The following SHISA6 variants were observed in gnomAD, a reference collection of about 807,000 sequenced individuals.
SHISA6 encodes the protein shisa family member 6.
Under a neutral mutation model 47.9 loss-of-function variants are expected in SHISA6, and 22 were observed. The ratio of observed to expected loss-of-function variants is 0.46; its 90% CI spans 0.33 to 0.66. The LOEUF is 0.66. Ranked by LOEUF, SHISA6 falls within the 30% of genes least tolerant of loss-of-function variation. The pLI, the probability that SHISA6 is intolerant of heterozygous loss-of-function variation, is 0.02. For synonymous variants in SHISA6, 388 were observed against 337.8 expected (o/e 1.15, Z -1.63); for missense variants, 680 against 764.6 (o/e 0.89, Z 1.30).
chr17:11,395,808 G>A (rs879536148), intron 3 of SHISA6, among the ~76,000 whole-genome samples: 15 of 152,006 alleles, frequency 9.9e-5, no homozygotes, highest in South Asian at 2.1e-4. Context: ...CTGAACCACC[G>A]TGCCCGGCCA....
At chr17:11,419,372 G>C (rs1914387064) in intron 3 of SHISA6, among the ~76,000 whole-genome samples, 1 of 152,030 alleles carries the variant, frequency 6.6e-6, no homozygotes, top group Non-Finnish European at 1.5e-5. Flanking sequence ...TAAGTCACTA[G>C]GTTTAACAAG....
In SHISA6 at chr17:11,560,784, A is replaced by G. The variant is rs1230987426; in HGVS notation, c.*2480A>G. On this transcript the variant is annotated 3_prime_UTR_variant, in exon 6 of 6. Transcript: ENST00000441885. ...ATGAGTTGATTCCAAGACATTTCTC[A>G]TCCCAGCCTTACCACTGTCTGGCTG... 2.6e-5 allele frequency: 4 copies of G among 151,940 alleles called. No homozygotes were observed. The highest frequency in any genetic ancestry group is 9.7e-5 in the African/African-American group (4 of 41,378). The allele number at this position is 151,940 out of a possible 1,614,324, so 9.4% of individuals were successfully genotyped here.
At chr17:11,528,065 T>C (rs768045995) in intron 3 of SHISA6, among the ~76,000 whole-genome samples, 1 of 152,164 alleles carries the variant, frequency 6.6e-6, no homozygotes, top group Non-Finnish European at 1.5e-5. Context: ...TGTTATAAAA[T>C]CCTAGAGAGT....
intron 2 of SHISA6, among the ~76,000 whole-genome samples, chr17:11,283,058 C>T (rs1909176160): frequency 6.6e-6 from 1 of 152,200 alleles, no homozygotes; most frequent in Non-Finnish European, 1.5e-5. Context: ...TAGATATTGT[C>T]CCAACCCAAT....
chr17:11,514,226 A>G (rs7359637), intron 3 of SHISA6, among the ~76,000 whole-genome samples: 36,050 of 152,064 alleles, frequency 0.24, 4,453 homozygotes, highest in East Asian at 0.36. Flanking sequence ...CTGTCTTTTA[A>G]TGGTGATTTG....
intron 3 of SHISA6, among the ~76,000 whole-genome samples, chr17:11,537,120 A>G (rs1256163114): frequency 1.3e-5 from 2 of 152,016 alleles, no homozygotes; most frequent in Non-Finnish European, 2.9e-5. Context: ...AGAATTGAAA[A>G]TGAACATCCT....
At chr17:11,367,786 G>A (rs1245714211) in intron 2 of SHISA6, among the ~76,000 whole-genome samples, 3 of 152,196 alleles carry the variant, frequency 2.0e-5, no homozygotes, top group African/African-American at 7.2e-5. Flanking sequence ...AGGCAAGGAA[G>A]GCTCAGGGTA....
At chr17:11,450,832 T>G (rs1477969201) in intron 3 of SHISA6, among the ~76,000 whole-genome samples, 1 of 152,138 alleles carries the variant, frequency 6.6e-6, no homozygotes, top group Non-Finnish European at 1.5e-5. Context: ...CAGAAGCCTA[T>G]TGCAGTTCAT....
chr17:11,404,154 G>C (rs1008078999), intron 3 of SHISA6, among the ~76,000 whole-genome samples: 17 of 152,306 alleles, frequency 1.1e-4, no homozygotes, highest in African/African-American at 4.1e-4. Context: ...TCGTGATGCA[G>C]GCAATTCTGA....
intron 3 of SHISA6, among the ~76,000 whole-genome samples, chr17:11,532,233 C>T (rs1018795130): frequency 2.0e-5 from 3 of 152,256 alleles, no homozygotes; most frequent in South Asian, 2.1e-4. Context: ...AAATAGGCAC[C>T]GGGATCTTCC....
At chr17:11,372,731 T>C (rs946604822) in intron 2 of SHISA6, among the ~76,000 whole-genome samples, 8 of 152,072 alleles carry the variant, frequency 5.3e-5, no homozygotes, top group Admixed American at 6.6e-5. Context: ...GGGTATAATA[T>C]GTGTTTTATC....
intron 3 of SHISA6, among the ~76,000 whole-genome samples, chr17:11,456,655 C>T (rs1915544372): frequency 6.6e-6 from 1 of 152,210 alleles, no homozygotes; most frequent in African/African-American, 2.4e-5. Flanking sequence ...TGAGGCCACG[C>T]TGTCGGAGGT....
intron 3 of SHISA6, among the ~76,000 whole-genome samples, chr17:11,407,112 T>G (rs1289357985): frequency 6.6e-6 from 1 of 152,108 alleles, no homozygotes; most frequent in Non-Finnish European, 1.5e-5. Context: ...TATAGAGCGT[T>G]TTCTATGTGC....
intron 2 of SHISA6, among the ~76,000 whole-genome samples, chr17:11,268,746 G>T (rs1410750732): frequency 1.3e-5 from 2 of 152,260 alleles, no homozygotes; most frequent in African/African-American, 2.4e-5. Context: ...TATCATTGTG[G>T]TATCCTAGGA....
intron 2 of SHISA6, among the ~76,000 whole-genome samples, chr17:11,292,271 T>A (rs1434566615): frequency 6.6e-6 from 1 of 152,092 alleles, no homozygotes; most frequent in African/African-American, 2.4e-5. Context: ...TTTGTCATAA[T>A]GCCCTCCCTC....
At chr17:11,464,100 A>G (rs1390877332) in intron 3 of SHISA6, among the ~76,000 whole-genome samples, 6 of 151,996 alleles carry the variant, frequency 3.9e-5, no homozygotes, top group Non-Finnish European at 8.8e-5. Context: ...AATTTTTTTT[A>G]GAGATGGGGT....
chr17:11,376,015 C>T (rs775218930), intron 2 of SHISA6, among the ~76,000 whole-genome samples: 4 of 152,130 alleles, frequency 2.6e-5, no homozygotes, highest in South Asian at 4.1e-4. Flanking sequence ...TTATGCTTCA[C>T]GGAACTTTGG....
intron 2 of SHISA6, among the ~76,000 whole-genome samples, chr17:11,272,972 C>T (rs114921641): frequency 2.4e-3 from 371 of 152,260 alleles, no homozygotes; most frequent in African/African-American, 8.3e-3. Context: ...TGTAGACACT[C>T]GTGCCCCTGG....
At chr17:11,381,959 G>T (rs1323608052) in intron 3 of SHISA6, among the ~76,000 whole-genome samples, 1 of 152,206 alleles carries the variant, frequency 6.6e-6, no homozygotes, top group Non-Finnish European at 1.5e-5. Flanking sequence ...TACCTTGTGT[G>T]TATTTCCCTA....
Sources: allele counts gnomAD v4.1 joint callset (sites outside exome capture counted in the v4.1 genomes callset), GRCh38; gene constraint gnomAD v4.1.1; transcripts MANE v1.5; gene names NCBI Gene and HGNC (gene_info 2026-07-23, HGNC 2026-07-21).